Variants in MGAT4C observed in about 807,000 individuals in gnomAD.
The protein encoded by MGAT4C is alpha-1,3-mannosyl-glycoprotein 4-beta-N-acetylglucosaminyltransferase C.
A neutral mutation model predicts 40.1 loss-of-function variants in MGAT4C; 19 were observed. The ratio of observed to expected loss-of-function variants is 0.47; its 90% CI spans 0.33 to 0.70. The LOEUF (loss-of-function observed/expected upper bound fraction) is 0.70, where lower values mean the gene tolerates loss of function less well. Among genes scored for constraint, MGAT4C ranks in the 30% least tolerant of loss-of-function variants. MGAT4C has a pLI of 0.02. For missense variants in MGAT4C, 491 were observed against 563.2 expected (o/e 0.87, Z 1.30); for synonymous variants, 181 against 187.1 (o/e 0.97, Z 0.27).
chr12:86,800,936 C>T (rs1271826657), intron 1 of MGAT4C, among the ~76,000 whole-genome samples: 2 of 151,888 alleles, frequency 1.3e-5, no homozygotes, highest in Non-Finnish European at 2.9e-5. Context: ...TAATTGTCCA[C>T]AATATCTGAT....
At chr12:86,232,190 G>T (rs1951352628) in intron 1 of MGAT4C, among the ~76,000 whole-genome samples, 1 of 151,816 alleles carries the variant, frequency 6.6e-6, no homozygotes. Flanking sequence ...ACTTACTAAA[G>T]ATTTCCAGTT....
chr12:86,336,007 C>G (rs1232989684), intron 3 of MGAT4C, among the ~76,000 whole-genome samples: 3 of 152,132 alleles, frequency 2.0e-5, no homozygotes, highest in Non-Finnish European at 1.5e-5. Context: ...TAAACCTATA[C>G]TGATGTTGAT....
At chr12:86,224,703 C>T (rs1056655025) in intron 1 of MGAT4C, among the ~76,000 whole-genome samples, 2 of 152,080 alleles carry the variant, frequency 1.3e-5, no homozygotes, top group African/African-American at 4.8e-5. Flanking sequence ...TGAACAATCA[C>T]TGGGTTAATA....
At chr12:86,000,057 A>G (rs1382211321) in intron 2 of MGAT4C, among the ~76,000 whole-genome samples, 1 of 152,214 alleles carries the variant, frequency 6.6e-6, no homozygotes, top group Non-Finnish European at 1.5e-5. Context: ...TATGCTAATT[A>G]CCTTAATGTG....
intron 2 of MGAT4C, among the ~76,000 whole-genome samples, chr12:86,513,687 C>T (rs560063282): frequency 6.6e-5 from 10 of 152,138 alleles, no homozygotes; most frequent in African/African-American, 1.9e-4. Flanking sequence ...AGTATCTGTA[C>T]CTTCATAACA....
intron 1 of MGAT4C, among the ~76,000 whole-genome samples, chr12:86,728,448 T>C (rs1460827792): frequency 1.3e-5 from 2 of 152,230 alleles, no homozygotes; most frequent in Admixed American, 1.3e-4. Flanking sequence ...CCCAGCACTT[T>C]AGGAGTCTGA....
At chr12:86,056,158 T>C (rs1432750547) in intron 1 of MGAT4C, among the ~76,000 whole-genome samples, 2 of 152,190 alleles carry the variant, frequency 1.3e-5, no homozygotes, top group African/African-American at 2.4e-5. Flanking sequence ...TATTATGAGC[T>C]AAACTTTATG....
chr12:86,501,990 T>C (rs4370997), intron 2 of MGAT4C, among the ~76,000 whole-genome samples: 114,967 of 151,872 alleles, frequency 0.76, 44,974 homozygotes, highest in Non-Finnish European at 0.86. Flanking sequence ...AAAAAACACA[T>C]AATTACATCA....
intron 1 of MGAT4C, among the ~76,000 whole-genome samples, chr12:86,747,550 A>C (rs955705875): frequency 1.3e-5 from 2 of 151,698 alleles, no homozygotes; most frequent in Non-Finnish European, 3.0e-5. Context: ...AATTATGAAA[A>C]ATACAATAGC....
rs976603338 is a variant in MGAT4C, at chr12:86,287,353, C to CT, written c.-57+46711dup. Among the ~76,000 whole-genome samples, 8 of 135,916 alleles carry CT rather than the reference C, an allele frequency of 5.9e-5. No individual in the cohort carries two copies. The East Asian group carries it at 6.8e-4, about 11-fold the overall frequency. The allele number at this position is 135,916 out of a possible 152,430, so 89.2% of individuals were successfully genotyped here. A position where few individuals can be genotyped will look rare whatever the true frequency, so the allele number is the denominator to read the frequency against. On this transcript the variant is annotated intron_variant, in intron 4 of 7. Transcript: ENST00000548651. ...TTTCCATTTCTTTTTTTTCTTTATA[C>CT]TTTTTTTTTCTTTTTAATTATACTT...
chr12:86,459,473 G>A (rs1046485796), intron 2 of MGAT4C, among the ~76,000 whole-genome samples: 1 of 151,848 alleles, frequency 6.6e-6, no homozygotes, highest in Non-Finnish European at 1.5e-5. Context: ...GTCTGCAGGT[G>A]GCCACTAGTA....
At chr12:86,258,329 A>G (rs979137982), upstream of MGAT4C, among the ~76,000 whole-genome samples, 2 of 149,714 alleles carry the variant, frequency 1.3e-5, no homozygotes, top group Admixed American at 6.6e-5. Flanking sequence ...CTATCTATCT[A>G]TCTATCTACA....
chr12:86,015,471 G>T (rs1015977547), intron 2 of MGAT4C, among the ~76,000 whole-genome samples: 2 of 152,120 alleles, frequency 1.3e-5, no homozygotes, highest in Non-Finnish European at 2.9e-5. Flanking sequence ...GAAGGCAGAG[G>T]TCTGGCATCC....
chr12:86,178,345 T>C (rs980174897), intron 1 of MGAT4C, among the ~76,000 whole-genome samples: 2 of 152,208 alleles, frequency 1.3e-5, no homozygotes, highest in African/African-American at 2.4e-5. Flanking sequence ...AGTTGATAAT[T>C]TGCATAGAGC....
chr12:86,004,626 A>G (rs1167527331), intron 2 of MGAT4C, among the ~76,000 whole-genome samples: 1 of 152,170 alleles, frequency 6.6e-6, no homozygotes, highest in Non-Finnish European at 1.5e-5. Flanking sequence ...CTAACCCAAG[A>G]GCAAGGAGAA....
intron 1 of MGAT4C, among the ~76,000 whole-genome samples, chr12:86,212,888 T>G (rs527687507): frequency 1.0e-4 from 2 of 19,558 alleles, no homozygotes; most frequent in South Asian, 3.4e-3. Context: ...CGAGACTCCG[T>G]CTCAAAAAAA....
In MGAT4C at chr12:86,429,332, T is replaced by C. The variant is rs1421813356; in HGVS notation, c.-120+5825A>G. ...TTGTGTTTAGAAAATATACTTGATATAATTTATATTTTTTAAAATTTGCTG... is the reference window on the plus strand; with the variant it reads ...TTGTGTTTAGAAAATATACTTGATACAATTTATATTTTTTAAAATTTGCTG... On this transcript the variant is annotated intron_variant, in intron 3 of 7. Transcript: ENST00000548651. Among the ~76,000 whole-genome samples, 6 of 152,346 alleles carry C rather than the reference T, an allele frequency of 3.9e-5. No individual in the cohort carries two copies. The East Asian group carries it at 1.2e-3, about 29-fold the overall frequency.
intron 1 of MGAT4C, among the ~76,000 whole-genome samples, chr12:86,081,901 G>C (rs887009989): frequency 2.0e-5 from 3 of 152,074 alleles, no homozygotes; most frequent in African/African-American, 4.8e-5. Flanking sequence ...TGAAATGCTT[G>C]CTTAAAATCT....
At chr12:86,715,372 G>C (rs1221691435) in intron 2 of MGAT4C, among the ~76,000 whole-genome samples, 1 of 152,076 alleles carries the variant, frequency 6.6e-6, no homozygotes, top group African/African-American at 2.4e-5. Flanking sequence ...GTAGCTGATG[G>C]GTGAGGAGCA....
Sources: gnomAD v4.1 joint callset for allele counts (sites outside exome capture counted in the v4.1 genomes callset) on GRCh38, gnomAD v4.1.1 for gene constraint, MANE v1.5 for transcripts, NCBI Gene and HGNC (gene_info 2026-07-23, HGNC 2026-07-21) for gene names.